Variants in COL24A1 observed in about 807,000 individuals in gnomAD.
COL24A1 encodes collagen type XXIV alpha 1 chain.
A neutral mutation model predicts 253.9 loss-of-function variants in COL24A1; 224 were observed. The ratio of observed to expected loss-of-function variants is 0.88; its 90% confidence interval spans 0.79 to 0.99. The LOEUF is 0.99. COL24A1 is among the 50% of genes least tolerant of loss of function. The probability of loss-of-function intolerance (pLI) is 0.00; values close to 1 mark genes in which losing one functional copy is unlikely to be tolerated. For missense variants in COL24A1, 2,131 were observed against 2,068.5 expected, an observed-to-expected ratio of 1.03 and a Z score of -0.59; for synonymous variants, 685 against 673.7, an observed-to-expected ratio of 1.02 and a Z score of -0.26.
chr1:86,127,211 C>A (rs985638230), intron 2 of COL24A1, among the ~76,000 whole-genome samples: 1 of 152,074 alleles, frequency 6.6e-6, no homozygotes, highest in African/African-American at 2.4e-5. Flanking sequence ...TCCAGTCCTC[C>A]AGAGTAACTT....
intron 19 of COL24A1, among the ~76,000 whole-genome samples, chr1:85,992,074 C>T (rs555125568): frequency 2.0e-5 from 3 of 151,738 alleles, no homozygotes; most frequent in African/African-American, 7.3e-5. Flanking sequence ...CCTCTCCACT[C>T]CCCCCACCCC....
At chr1:86,088,266 T>A (rs568034066) in intron 7 of COL24A1, among the ~76,000 whole-genome samples, 8 of 152,302 alleles carry the variant, frequency 5.3e-5, no homozygotes, top group Admixed American at 4.6e-4. Flanking sequence ...AACCAGGGCC[T>A]GAATACCACT....
chr1:85,786,629 T>C (rs1472915933), intron 47 of COL24A1, among the ~76,000 whole-genome samples, 168 bp from the exon 48 acceptor site: 4 of 152,198 alleles, frequency 2.6e-5, no homozygotes, highest in South Asian at 2.1e-4. Flanking sequence ...AATACTTTTT[T>C]AGGAATACTC....
Position 86,125,623 on chromosome 1 carries a change from A to AC in COL24A1, c.712dup (p.Val238GlyfsTer14). On this transcript the variant is annotated frameshift_variant, in exon 3 of 60. Coordinates refer to ENST00000370571, the MANE Select transcript of COL24A1 (RefSeq NM_152890.7). LOFTEE classifies it high-confidence loss of function. ...GTCTGCTTGGCGACACTGCTGTTTC[A>AC]CATATCTGCAGTAGTCTGCAGATGC... The AC allele has an allele frequency of 6.2e-7, 1 of 1,613,240 alleles. No homozygotes were observed. The highest frequency in any genetic ancestry group is 8.5e-7 in the Non-Finnish European group (1 of 1,179,552).
At chr1:85,951,131 A>T (rs2100578582) in intron 24 of COL24A1, among the ~76,000 whole-genome samples, 1 of 152,334 alleles carries the variant, frequency 6.6e-6, no homozygotes, top group African/African-American at 2.4e-5. Context: ...AATAAATTTT[A>T]AAAATTACCT....
chr1:85,997,511 G>A (rs1469252735), intron 19 of COL24A1, among the ~76,000 whole-genome samples: 3 of 152,074 alleles, frequency 2.0e-5, no homozygotes, highest in South Asian at 4.1e-4. Context: ...TGGGCCGGGC[G>A]CAGTGACTCA....
chr1:85,767,566 A>G (rs1490085023), intron 53 of COL24A1, among the ~76,000 whole-genome samples: 2 of 152,234 alleles, frequency 1.3e-5, no homozygotes, highest in East Asian at 3.8e-4. Flanking sequence ...GAAGTGATTA[A>G]AAAGGTATTT....
At chr1:85,822,656 T>C in intron 45 of COL24A1, among the ~76,000 whole-genome samples, 1 of 152,222 alleles carries the variant, frequency 6.6e-6, no homozygotes, top group Admixed American at 6.5e-5. Context: ...TCTTATCCTA[T>C]GACAATGATT....
chr1:86,007,815 G>A (rs752565829), intron 19 of COL24A1, among the ~76,000 whole-genome samples: 6 of 152,168 alleles, frequency 3.9e-5, no homozygotes, highest in Admixed American at 3.3e-4. Flanking sequence ...GCAGGGAAGA[G>A]GAGGGATGAA....
chr1:86,128,271 G>A (rs1648622967), intron 2 of COL24A1, among the ~76,000 whole-genome samples: 1 of 151,846 alleles, frequency 6.6e-6, no homozygotes, highest in Admixed American at 6.6e-5. Flanking sequence ...CCAATCTTCA[G>A]TGAAAATTTA....
chr1:85,939,589 T>C (rs1688544853), intron 24 of COL24A1, among the ~76,000 whole-genome samples: 1 of 152,156 alleles, frequency 6.6e-6, no homozygotes, highest in Non-Finnish European at 1.5e-5. Context: ...TACTAAGTAA[T>C]AAATCTTTTC....
intron 24 of COL24A1, among the ~76,000 whole-genome samples, chr1:85,949,336 A>G (rs1337277491): frequency 6.6e-6 from 1 of 152,190 alleles, no homozygotes; most frequent in Non-Finnish European, 1.5e-5. Flanking sequence ...GAAAGTGCTA[A>G]AAATTACAAA....
At chr1:86,007,429 T>C (rs1410459786) in intron 19 of COL24A1, among the ~76,000 whole-genome samples, 1 of 152,142 alleles carries the variant, frequency 6.6e-6, no homozygotes, top group Non-Finnish European at 1.5e-5. Flanking sequence ...AAACTAAACA[T>C]ACTTTTACTG....
intron 7 of COL24A1, among the ~76,000 whole-genome samples, chr1:86,080,587 TA>T (rs1489285725): frequency 7.2e-5 from 11 of 151,822 alleles, no homozygotes; most frequent in Non-Finnish European, 1.3e-4. Flanking sequence ...ATTAAAATAA[TA>T]AATAAATAAA....
intron 47 of COL24A1, among the ~76,000 whole-genome samples, chr1:85,791,100 G>A (rs780639543): frequency 2.0e-5 from 3 of 152,114 alleles, no homozygotes; most frequent in Non-Finnish European, 4.4e-5. Context: ...AAGAATAGCT[G>A]CTTGAAATGT....
chr1:86,156,474 G>A lies in COL24A1; in HGVS notation c.-78C>T. The A allele has an allele frequency of 1.5e-6, 2 of 1,308,114 alleles. No individual in the cohort carries two copies. Among genetic ancestry groups the A allele is most frequent in the South Asian group, 1.6e-5 (1 of 62,784 alleles). The allele number at this position is 1,308,114 out of a possible 1,614,324, so 81.0% of individuals were successfully genotyped here. ...CTGAACTGCTTAGGGTGCAGGTACTGTCCATGAAAAAGGGAAAAAACAATC... is the reference window on the plus strand; with the variant it reads ...CTGAACTGCTTAGGGTGCAGGTACTATCCATGAAAAAGGGAAAAAACAATC... On this transcript the variant is annotated 5_prime_UTR_variant, in exon 1 of 60. Coordinates refer to ENST00000370571, the MANE Select transcript of COL24A1 (RefSeq NM_152890.7).
chr1:85,804,696 C>A (rs1671784519), intron 47 of COL24A1, among the ~76,000 whole-genome samples: 1 of 152,110 alleles, frequency 6.6e-6, no homozygotes, highest in Non-Finnish European at 1.5e-5. Flanking sequence ...ACGAGAACAG[C>A]ATGAGAAAGA....
At chr1:85,873,010 A>G (rs1472733740) in intron 35 of COL24A1, among the ~76,000 whole-genome samples, 5 of 152,150 alleles carry the variant, frequency 3.3e-5, no homozygotes, top group Non-Finnish European at 5.9e-5. Context: ...CAAGCCCATC[A>G]ACAAGTGGGT....
At chr1:85,843,519 T>G (rs1484072988) in intron 39 of COL24A1, among the ~76,000 whole-genome samples, 1 of 152,166 alleles carries the variant, frequency 6.6e-6, no homozygotes, top group Admixed American at 6.6e-5. Flanking sequence ...TATTTATTTG[T>G]AATAACAACA....
Sources: allele counts gnomAD v4.1 joint callset (sites outside exome capture counted in the v4.1 genomes callset), GRCh38; gene constraint gnomAD v4.1.1; transcripts MANE v1.5; gene names NCBI Gene and HGNC (gene_info 2026-07-23, HGNC 2026-07-21).